The following STAT5A variants were observed in gnomAD, a reference collection of about 807,000 sequenced individuals.
STAT5A encodes signal transducer and activator of transcription 5A.
A neutral mutation model predicts 100.2 loss-of-function variants in STAT5A; 26 were observed. The observed-to-expected ratio is 0.26, with a 90% CI of 0.19 to 0.36. The LOEUF (loss-of-function observed/expected upper bound fraction) is 0.36. Among genes scored for constraint, STAT5A ranks in the 10% least tolerant of loss-of-function variants. The pLI, the probability that STAT5A is intolerant of heterozygous loss-of-function variation, is 1.00. For synonymous variants in STAT5A, 330 were observed against 424.3 expected (o/e 0.78, Z 2.73); for missense variants, 634 against 1,027.5 (o/e 0.62, Z 5.24).
In STAT5A at chr17:42,304,922, C is replaced by T. The variant is rs2081013870; in HGVS notation, c.1380+270C>T. ...TGTGGGTGAGGAAAGTGGGTTGGGA[C>T]CAGGTGTGGTGGCTCTCACCTGTAA... On this transcript the variant is annotated intron_variant, in intron 11 of 18. Coordinates refer to ENST00000590949, the MANE Select transcript of STAT5A (RefSeq NM_001288718.2). This position sits in a 1 kb window ranked among gnomAD's most constrained non-coding sequence, Gnocchi z 4.8. Among the ~76,000 whole-genome samples, 1 of 152,106 alleles carries T rather than the reference C, an allele frequency of 6.6e-6. No homozygotes were observed. Among genetic ancestry groups the T allele is most frequent in the Admixed American group, 6.5e-5 (1 of 15,274 alleles).
rs2081007681 is a variant in STAT5A at position 42,304,292 on chromosome 17, G to A, written c.1170-50G>A. On this transcript the variant is annotated intron_variant, in intron 9 of 18. Transcript: ENST00000590949. The surrounding 1 kb of genome is among the most constrained non-coding windows in gnomAD (Gnocchi z 4.8). ...CAGCCCGAGGTGTGGACAGGACCATGCTCCTGGCCTGGGGCCCATGTGGAG... is the reference window on the plus strand; with the variant it reads ...CAGCCCGAGGTGTGGACAGGACCATACTCCTGGCCTGGGGCCCATGTGGAG... 6.3e-7 allele frequency: 1 copy of A among 1,588,106 alleles called. No homozygotes were observed. Among genetic ancestry groups the A allele is most frequent in the Non-Finnish European group, 8.6e-7 (1 of 1,157,920 alleles).
Position 42,310,964 on chromosome 17 carries a change from C to A in STAT5A, c.*295C>A, listed in dbSNP as rs1179695010. 4 of 436,520 alleles carry A rather than the reference C, an allele frequency of 9.2e-6. No homozygotes were observed. Among genetic ancestry groups the A allele is most frequent in the Non-Finnish European group, 1.7e-5 (4 of 235,742 alleles). The allele number at this position is 436,520 out of a possible 1,614,324, so 27.0% of individuals were successfully genotyped here. Reference sequence around the variant, plus strand: ...CTGCAGGCACTCAATGCAGCCAGACCTATTCCTCCTGGGCCCCTCATCTGC... The same window carrying A: ...CTGCAGGCACTCAATGCAGCCAGACATATTCCTCCTGGGCCCCTCATCTGC... On this transcript the variant is annotated 3_prime_UTR_variant, in exon 19 of 19. Transcript: ENST00000590949.
intron 12 of STAT5A, 92 bp from the exon 13 acceptor site, chr17:42,306,149 C>T (rs1364613139): frequency 1.9e-6 from 3 of 1,594,282 alleles, no homozygotes; most frequent in Non-Finnish European, 2.6e-6. Flanking sequence ...GTCTCAGTCT[C>T]CTCTGTCTCT....
intron 4 of STAT5A, among the ~76,000 whole-genome samples, chr17:42,294,232 G>C (rs1433076392): frequency 6.6e-6 from 1 of 151,818 alleles, no homozygotes; most frequent in Non-Finnish European, 1.5e-5. Context: ...AAAAAAATAG[G>C]GGTTAGAAAC....
At chr17:42,303,210 C>T (rs1407572599) in intron 9 of STAT5A, among the ~76,000 whole-genome samples, 1 of 152,152 alleles carries the variant, frequency 6.6e-6, no homozygotes, top group Admixed American at 6.5e-5. Context: ...TGTGCCATTG[C>T]ACTCCAGCCT....
At position 42,304,741 on chromosome 17, in the gene STAT5A, C is replaced by T. The variant is rs80257332; in HGVS notation, c.1380+89C>T. 4.9e-3 allele frequency: 7,654 copies of T among 1,568,646 alleles called. 317 individuals carry two copies. In the African/African-American group the frequency reaches 0.092, roughly 19 times the overall value. ...TCAGGACTCCTGGCAGCAATGCCAT[C>T]GGACAGCCTGCTTTGACTCTGTGGG... is the stretch of plus-strand genomic sequence containing the variant. On this transcript the variant is annotated intron_variant, in intron 11 of 18. Coordinates refer to ENST00000590949, the MANE Select transcript of STAT5A (RefSeq NM_001288718.2). The surrounding 1 kb of genome is among the most constrained non-coding windows in gnomAD (Gnocchi z 4.8).
chr17:42,310,064 G>A (rs1426416936), intron 18 of STAT5A, among the ~76,000 whole-genome samples: 1 of 152,160 alleles, frequency 6.6e-6, no homozygotes, highest in South Asian at 2.1e-4. Flanking sequence ...TATAAAACGG[G>A]GTCAATACCC....
At chr17:42,305,791 G>T in intron 12 of STAT5A, 89 bp downstream of exon 12, 1 of 1,390,624 alleles carries the variant, frequency 7.2e-7, no homozygotes, top group Non-Finnish European at 1.0e-6. Flanking sequence ...CTGCTGAGTG[G>T]TCCTTCCTCA....
At position 42,295,753 on chromosome 17, in the gene STAT5A, G is replaced by A. The variant is rs748366757; in HGVS notation, c.510G>A (p.Glu170=). The A allele has an allele frequency of 5.6e-6, 9 of 1,613,944 alleles. No individual in the cohort carries two copies. Among genetic ancestry groups the A allele is most frequent in the Non-Finnish European group, 7.6e-6 (9 of 1,180,008 alleles). ...TGAAGAAACTGCAGCAGACTCAGGA[G>A]TACTTCATCATCCAGTACCAGGAGA... ...NELKKLQQTQ[E]YFIIQYQESL... Residue 170 remains glutamate (E), a synonymous_variant, in exon 5 of 19, where the codon GAG becomes GAA. Coordinates refer to ENST00000590949, the MANE Select transcript of STAT5A (RefSeq NM_001288718.2).
chr17:42,310,528 G>C lies in STAT5A; in HGVS notation c.2244G>C (p.Gln748His). 2 of 1,614,220 alleles carry C rather than the reference G, an allele frequency of 1.2e-6. No individual in the cohort carries two copies. Among genetic ancestry groups the C allele is most frequent in the Middle Eastern group, 1.6e-4 (1 of 6,062 alleles). ...YPQNPDHVLDQDGEFDLDETM... is the reference protein window; with the variant it reads ...YPQNPDHVLDHDGEFDLDETM... ...CCAGCCCTGACCATGTACTCGATCAGGATGGAGAATTCGACCTGGATGAGA... is the reference window on the plus strand; with the variant it reads ...CCAGCCCTGACCATGTACTCGATCACGATGGAGAATTCGACCTGGATGAGA... The change falls in exon 19 of 19, where the codon CAG becomes CAC. Residue 748 changes from glutamine (Q) to histidine (H), a missense_variant. Transcript: ENST00000590949.
intron 6 of STAT5A, 123 bp from the exon 7 acceptor site, chr17:42,300,007 G>A (rs2080960626): frequency 2.5e-6 from 3 of 1,216,884 alleles, no homozygotes; most frequent in Middle Eastern, 2.8e-4. Flanking sequence ...TTTCCTGGGG[G>A]CCTTGCGAGG....
intron 12 of STAT5A, 24 bp from the exon 13 acceptor site, chr17:42,306,217 T>TC: frequency 6.2e-7 from 1 of 1,613,936 alleles, no homozygotes; most frequent in Non-Finnish European, 8.5e-7. Context: ...ATCTACCTTT[T>TC]CCCCTCTCTT....
Position 42,291,683 on chromosome 17 carries a change from C to G in STAT5A, c.286-289C>G, listed in dbSNP as rs114974211. On this transcript the variant is annotated intron_variant, in intron 3 of 18. Coordinates refer to ENST00000590949, the MANE Select transcript of STAT5A (RefSeq NM_001288718.2). ...GTGAGCTGAGATCACACCATTGCAC[C>G]TTTAGCCTAGGCAACAAGAGCAAAA... Among the ~76,000 whole-genome samples, 521 of 151,240 alleles carry G rather than the reference C, an allele frequency of 3.4e-3. 3 individuals carry two copies. The highest frequency in any genetic ancestry group is 0.012 in the African/African-American group (500 of 41,130).
At position 42,310,705 on chromosome 17, in the gene STAT5A, T is replaced by C. The variant is rs1159235132; in HGVS notation, c.*36T>C. Reference sequence around the variant, plus strand: ...CCCACGCTTCTCTTTGGAAACAATATGCAATGTGAAGCGGTCGTGTTGTGA... The same window carrying C: ...CCCACGCTTCTCTTTGGAAACAATACGCAATGTGAAGCGGTCGTGTTGTGA... On this transcript the variant is annotated 3_prime_UTR_variant, in exon 19 of 19. Coordinates refer to ENST00000590949, the MANE Select transcript of STAT5A (RefSeq NM_001288718.2). 1.9e-6 allele frequency: 3 copies of C among 1,613,116 alleles called. No homozygotes were observed. Among genetic ancestry groups the C allele is most frequent in the African/African-American group, 1.3e-5 (1 of 74,924 alleles).
chr17:42,303,924 C>T (rs1029384341), intron 9 of STAT5A, among the ~76,000 whole-genome samples: 5 of 151,922 alleles, frequency 3.3e-5, no homozygotes, highest in African/African-American at 4.8e-5. Flanking sequence ...GCATGTTCAG[C>T]AGACAGCCAG....
At chr17:42,307,371 A>G (rs1250036009) in intron 13 of STAT5A, 31 bp from the exon 14 acceptor site, 2 of 1,607,606 alleles carry the variant, frequency 1.2e-6, no homozygotes, top group East Asian at 4.5e-5. Flanking sequence ...CTGGGGCACC[A>G]GCCCTGACTC....
Position 42,310,680 on chromosome 17 carries a change from C to T in STAT5A, c.*11C>T. On this transcript the variant is annotated 3_prime_UTR_variant, in exon 19 of 19. Coordinates refer to ENST00000590949, the MANE Select transcript of STAT5A (RefSeq NM_001288718.2). ...GGCTCCCTCTCATGAATGTTTGAAT[C>T]CCACGCTTCTCTTTGGAAACAATAT... The T allele has an allele frequency of 6.2e-7, 1 of 1,613,948 alleles. No individual in the cohort carries two copies. Among genetic ancestry groups the T allele is most frequent in the Non-Finnish European group, 8.5e-7 (1 of 1,179,874 alleles).
At chr17:42,295,332 A>G (rs2080908512) in intron 4 of STAT5A, among the ~76,000 whole-genome samples, 1 of 152,128 alleles carries the variant, frequency 6.6e-6, no homozygotes, top group Non-Finnish European at 1.5e-5. Flanking sequence ...CCTGTTTGGA[A>G]TACTCTAGTG....
At chr17:42,292,554 T>G (rs1239500673) in intron 4 of STAT5A, among the ~76,000 whole-genome samples, 1 of 151,748 alleles carries the variant, frequency 6.6e-6, no homozygotes, top group Non-Finnish European at 1.5e-5. Flanking sequence ...GGTCTCAACC[T>G]GACCTCGTGA....
Sources: allele counts gnomAD v4.1 joint callset (sites outside exome capture counted in the v4.1 genomes callset), GRCh38; gene constraint gnomAD v4.1.1; non-coding constraint Gnocchi (gnomAD v3.1); transcripts MANE v1.5; gene names NCBI Gene and HGNC (gene_info 2026-07-23, HGNC 2026-07-21).